Variants in DAB1 observed in about 807,000 individuals in gnomAD.
DAB1 encodes the protein DAB adaptor protein 1.
A neutral mutation model predicts 64.6 loss-of-function variants in DAB1; 15 were observed. The observed-to-expected ratio is 0.23, with a 90% CI of 0.16 to 0.36. The LOEUF (loss-of-function observed/expected upper bound fraction) is 0.36. DAB1 is among the 10% of genes least tolerant of loss of function. The pLI, the probability that DAB1 is intolerant of heterozygous loss-of-function variation, is 1.00. For synonymous variants in DAB1, 235 were observed against 251.9 expected (o/e 0.93, Z 0.64); for missense variants, 596 against 706.7 (o/e 0.84, Z 1.78).
intron 2 of DAB1, among the ~76,000 whole-genome samples, chr1:57,169,601 A>G (rs751985622): frequency 1.3e-5 from 2 of 152,164 alleles, no homozygotes; most frequent in African/African-American, 2.4e-5. Flanking sequence ...CTTCCTCATA[A>G]CATCCAATTG....
chr1:57,324,639 G>T (rs1453471616), intron 1 of DAB1, among the ~76,000 whole-genome samples: 3 of 152,114 alleles, frequency 2.0e-5, no homozygotes, highest in African/African-American at 7.2e-5. Flanking sequence ...CAATGTGGTG[G>T]CTCTGAAGGT....
chr1:57,327,493 C>T (rs1570285252), intron 1 of DAB1, among the ~76,000 whole-genome samples: 1 of 152,236 alleles, frequency 6.6e-6, no homozygotes, highest in African/African-American at 2.4e-5. Context: ...TCTGCCAATC[C>T]TCCGGACGGC....
Position 58,541,817 on chromosome 1 carries a change from T to C in DAB1, n.32+4886A>G, listed in dbSNP as rs1646626360. 2.0e-5 allele frequency among the ~76,000 whole-genome samples: 3 copies of C among 152,118 alleles called. No individual in the cohort carries two copies. The South Asian group carries it at 6.2e-4, about 32-fold the overall frequency. On this transcript the variant is annotated intron_variant and non_coding_transcript_variant, in intron 1 of 20. Coordinates refer to the DAB1 transcript ENST00000485760. Reference sequence around the variant, plus strand: ...ATGATAAATAAAACTCACTTTCAAATTGTACAGCAAAGGTACACACACAAA... The same window carrying C: ...ATGATAAATAAAACTCACTTTCAAACTGTACAGCAAAGGTACACACACAAA...
Position 58,469,457 on chromosome 1 carries a change from G to C in DAB1, n.257+36603C>G, listed in dbSNP as rs563025486. ...CCACTATGACATTATTAGGGGAAAA[G>C]AAATCTTTTCTTAGATGTAGTAATT... is the stretch of plus-strand genomic sequence containing the variant. On this transcript the variant is annotated intron_variant and non_coding_transcript_variant, in intron 3 of 20. Coordinates refer to the DAB1 transcript ENST00000485760. 8.6e-5 allele frequency among the ~76,000 whole-genome samples: 13 copies of C among 152,044 alleles called. No individual in the cohort carries two copies. The East Asian group carries it at 2.5e-3, about 29-fold the overall frequency.
Position 57,094,127 on chromosome 1 carries a change from G to GAAA in DAB1, c.307-21714_307-21713insTTT, listed in dbSNP as rs1553140874. Reference sequence around the variant, plus strand: ...CTGCCTCAAAAAAAAAAAAAAAAAGGAATCTTGGAGTTGACATCTTCAAAA... The same window carrying GAAA: ...CTGCCTCAAAAAAAAAAAAAAAAAGGAAAAATCTTGGAGTTGACATCTTCAAAA... On this transcript the variant is annotated intron_variant, in intron 4 of 14. Transcript: ENST00000371236. Among the ~76,000 whole-genome samples the GAAA allele has an allele frequency of 1.3e-4, 11 of 86,020 alleles. 2 individuals carry two copies. Among genetic ancestry groups the GAAA allele is most frequent in the South Asian group, 8.9e-4 (2 of 2,252 alleles). The allele number at this position is 86,020 out of a possible 152,430, so 56.4% of individuals were successfully genotyped here. A position where few individuals can be genotyped will look rare whatever the true frequency, so the allele number is the denominator to read the frequency against.
chr1:57,883,768 AG>A (rs1644181336), intron 1 of DAB1, among the ~76,000 whole-genome samples: 3 of 152,240 alleles, frequency 2.0e-5, no homozygotes, highest in African/African-American at 4.8e-5. Context: ...AGGGGGACAA[AG>A]GCATGCGCCT....
At chr1:58,141,894 C>T (rs1353427917) in intron 5 of DAB1, among the ~76,000 whole-genome samples, 2 of 152,146 alleles carry the variant, frequency 1.3e-5, no homozygotes, top group Non-Finnish European at 2.9e-5. Context: ...GACAAAGTAC[C>T]TTCCACCGCC....
intron 5 of DAB1, among the ~76,000 whole-genome samples, chr1:58,074,094 T>C (rs1027384279): frequency 2.0e-5 from 3 of 152,188 alleles, no homozygotes; most frequent in African/African-American, 7.2e-5. Flanking sequence ...AATTCCACTA[T>C]TGTTTAAGTC....
intron 5 of DAB1, among the ~76,000 whole-genome samples, chr1:58,102,056 A>C (rs1267519122): frequency 1.3e-5 from 2 of 152,242 alleles, no homozygotes; most frequent in Non-Finnish European, 2.9e-5. Context: ...TGCTCTTCTG[A>C]GTGCTTTTCA....
chr1:58,048,085 T>G lies in DAB1; in HGVS notation n.387+102426A>C, dbSNP rs1647363514. 6.6e-6 allele frequency: 5 copies of G among 756,978 alleles called. No individual in the cohort carries two copies. The South Asian group carries it at 7.2e-5, about 11-fold the overall frequency. The allele number at this position is 756,978 out of a possible 1,614,324, so 46.9% of individuals were successfully genotyped here. On this transcript the variant is annotated intron_variant and non_coding_transcript_variant, in intron 5 of 20. Transcript: ENST00000485760. ...TGCAGCAGCTAGGCCCTGCCACCAC[T>G]GTGTTTGGCTGAGTTCACAAATCTG... is the stretch of plus-strand genomic sequence containing the variant.
chr1:57,798,015 A>C (rs771475457), intron 6 of DAB1, among the ~76,000 whole-genome samples: 22 of 152,214 alleles, frequency 1.4e-4, no homozygotes, highest in Non-Finnish European at 2.9e-4. Flanking sequence ...AATCCTCACA[A>C]CACCATGTGA....
chr1:57,120,402 T>C lies in DAB1; in HGVS notation c.306+16141A>G, dbSNP rs1006426677. On this transcript the variant is annotated intron_variant, in intron 4 of 14. Transcript: ENST00000371236. ...CCTGCTTTCAAGGGATCTGAAATCA[T>C]AGGAAGGTATGCTGCCACTAAACAC... Among the ~76,000 whole-genome samples, 8 of 152,270 alleles carry C rather than the reference T, an allele frequency of 5.3e-5. 1 individual carries two copies. The South Asian group carries it at 1.0e-3, about 20-fold the overall frequency.
At chr1:57,679,660 C>A (rs6683878) in intron 6 of DAB1, among the ~76,000 whole-genome samples, 1 of 152,188 alleles carries the variant, frequency 6.6e-6, no homozygotes, top group Non-Finnish European at 1.5e-5. Flanking sequence ...CAAGCACACG[C>A]ACACACGCCT....
At chr1:57,795,690 G>GATTTTAT (rs1270547155) in intron 6 of DAB1, among the ~76,000 whole-genome samples, 4 of 69,092 alleles carry the variant, frequency 5.8e-5, no homozygotes, top group African/African-American at 2.2e-4. Context: ...TATGCTTGGA[G>GATTTTAT]ATATATATAT....
intron 3 of DAB1, among the ~76,000 whole-genome samples, chr1:58,389,582 T>C (rs1465427379): frequency 6.6e-6 from 1 of 152,182 alleles, no homozygotes; most frequent in Admixed American, 6.5e-5. Context: ...TTACATCACC[T>C]AGGATAGATT....
intron 4 of DAB1, among the ~76,000 whole-genome samples, chr1:58,291,235 A>C (rs946609902): frequency 3.3e-5 from 5 of 152,220 alleles, no homozygotes; most frequent in African/African-American, 1.2e-4. Context: ...GCTCATAAAA[A>C]CCAATAAATT....
chr1:57,589,493 A>C (rs1168207776), intron 7 of DAB1, among the ~76,000 whole-genome samples: 1 of 152,322 alleles, frequency 6.6e-6, no homozygotes, highest in African/African-American at 2.4e-5. Flanking sequence ...ACAGTGGCTC[A>C]CCCCTGTAAT....
At chr1:57,977,239 G>T (rs1043664757) in intron 5 of DAB1, among the ~76,000 whole-genome samples, 8 of 152,174 alleles carry the variant, frequency 5.3e-5, no homozygotes, top group Non-Finnish European at 8.8e-5. Flanking sequence ...GATCTATAGA[G>T]AATTCCACAC....
intron 1 of DAB1, among the ~76,000 whole-genome samples, chr1:57,355,641 A>G (rs1679031990): frequency 6.6e-6 from 1 of 152,060 alleles, no homozygotes; most frequent in African/African-American, 2.4e-5. Context: ...AGGCAAAAAC[A>G]TAAAGGCAAA....
Sources: allele counts gnomAD v4.1 joint callset (sites outside exome capture counted in the v4.1 genomes callset), GRCh38; gene constraint gnomAD v4.1.1; transcripts MANE v1.5; gene names NCBI Gene and HGNC (gene_info 2026-07-23, HGNC 2026-07-21).